The following COL4A1 variants were observed in gnomAD, a reference collection of about 807,000 sequenced individuals.
The protein encoded by COL4A1 is collagen alpha-1(IV) chain.
A neutral mutation model predicts 216.6 loss-of-function variants in COL4A1; 40 were observed. That is an observed-to-expected ratio of 0.18 (90% CI 0.14 to 0.24). The LOEUF (loss-of-function observed/expected upper bound fraction) is 0.24. COL4A1 is among the 10% of genes least tolerant of loss of function. The pLI is 1.00. For missense variants in COL4A1, 1,628 were observed against 2,196.8 expected (o/e 0.74, Z 5.18); for synonymous variants, 839 against 810.7 (o/e 1.03, Z -0.59).
intron 45 of COL4A1, 86 bp from the exon 46 acceptor site, chr13:110,165,076 C>A: frequency 6.5e-7 from 1 of 1,550,170 alleles, no homozygotes; most frequent in East Asian, 2.3e-5. Flanking sequence ...CCGGGTGAAG[C>A]TATCCAAATG....
intron 21 of COL4A1, among the ~76,000 whole-genome samples, chr13:110,196,740 G>A (rs1878909818): frequency 6.6e-6 from 1 of 152,194 alleles, no homozygotes; most frequent in Admixed American, 6.5e-5. Context: ...GGTATCTGCA[G>A]CCACAGATGG....
intron 23 of COL4A1, 83 bp downstream of exon 23, chr13:110,192,747 A>G: frequency 1.6e-6 from 2 of 1,216,432 alleles, no homozygotes; most frequent in South Asian, 1.3e-5. Context: ...CAGGCCTTCT[A>G]TGGAGTGAAA....
chr13:110,207,583 C>T lies in COL4A1; in HGVS notation c.694-94G>A. The T allele has an allele frequency of 2.1e-6, 2 of 959,568 alleles. No individual in the cohort carries two copies. Among genetic ancestry groups the T allele is most frequent in the Non-Finnish European group, 3.3e-6 (2 of 599,938 alleles). The allele number at this position is 959,568 out of a possible 1,614,324, so 59.4% of individuals were successfully genotyped here. ...AGAGGTAAAAGCCTAAAATAAAACA[C>T]CTATTTTTAAAATGTAATTATACTC... On this transcript the variant is annotated intron_variant, in intron 12 of 51. Transcript: ENST00000375820. The surrounding 1 kb of genome is among the most constrained non-coding windows in gnomAD (Gnocchi z 4.4).
At chr13:110,234,949 C>A (rs1881238839) in intron 2 of COL4A1, among the ~76,000 whole-genome samples, 1 of 152,180 alleles carries the variant, frequency 6.6e-6, no homozygotes, top group African/African-American at 2.4e-5. Context: ...TAATGCACTA[C>A]CTAAACAAAG....
intron 45 of COL4A1, among the ~76,000 whole-genome samples, chr13:110,165,209 T>TG (rs1211032131): frequency 2.0e-5 from 3 of 152,172 alleles, no homozygotes; most frequent in African/African-American, 7.2e-5. Flanking sequence ...GCAAAGGCAT[T>TG]GGGGCATCAG....
chr13:110,177,708 C>A, intron 33 of COL4A1, 134 bp downstream of exon 33: 1 of 885,672 alleles, frequency 1.1e-6, no homozygotes, highest in Non-Finnish European at 1.8e-6. Context: ...GGTCTCCCAG[C>A]CTTCTGCTTG....
chr13:110,174,701 C>T lies in COL4A1; in HGVS notation c.3247G>A (p.Glu1083Lys), dbSNP rs1566349954. Residue 1083 changes from glutamate to lysine, a missense_variant, in exon 38 of 52, where the codon GAA (glutamate) becomes AAA (lysine). This residue lies in a region of COL4A1 where 345 missense variants were observed against 476.9 expected (regional missense o/e 0.72). Transcript: ENST00000375820. ...CCTGGGATCCCAATGCTTCCTTTTT[C>T]TCCCTTCTCTCCAGGGCTTCCTGGG... is the stretch of plus-strand genomic sequence containing the variant. ...GFPGSPGEKG[E>K]KGSIGIPGMP... The T allele has an allele frequency of 1.9e-6, 3 of 1,613,888 alleles. No homozygotes were observed. The highest frequency in any genetic ancestry group is 2.5e-6 in the Non-Finnish European group (3 of 1,179,780).
At chr13:110,233,544 G>T (rs933755269) in intron 2 of COL4A1, among the ~76,000 whole-genome samples, 1 of 152,154 alleles carries the variant, frequency 6.6e-6, no homozygotes, top group Non-Finnish European at 1.5e-5. Context: ...AAGGCTGGCC[G>T]ATGGGAGGGA....
intron 1 of COL4A1, among the ~76,000 whole-genome samples, chr13:110,252,684 A>ATATACATATAATTATATGTATATATGTAT (rs1882192588): frequency 7.0e-6 from 1 of 143,516 alleles, no homozygotes; most frequent in Non-Finnish European, 1.5e-5. Context: ...TAATATGTAT[A>ATATACATATAATTATATGTATATATGTAT]TATACATATA....
intron 17 of COL4A1, among the ~76,000 whole-genome samples, chr13:110,204,696 G>C (rs962965715): frequency 4.1e-5 from 6 of 147,608 alleles, no homozygotes; most frequent in Non-Finnish European, 5.9e-5. Flanking sequence ...GCCCTGGTCT[G>C]GCAGAAGGAC....
rs538684625 is a variant in COL4A1, at chr13:110,198,492, C to A, written c.1260G>T (p.Gly420=). 6.2e-7 allele frequency: 1 copy of A among 1,613,802 alleles called. No homozygotes were observed. Among genetic ancestry groups the A allele is most frequent in the Admixed American group, 1.7e-5 (1 of 59,994 alleles). ...DGLPGPPGSP[G]PPGQPGYTNG... Reference sequence around the variant, plus strand: ...TTGTGTAGCCAGGCTGCCCAGGGGGCCCAGGGGAACCAGGAGGACCCGGGA... The same window carrying A: ...TTGTGTAGCCAGGCTGCCCAGGGGGACCAGGGGAACCAGGAGGACCCGGGA... Residue 420 remains glycine, a synonymous_variant, in exon 21 of 52, where the codon GGG becomes GGT. Transcript: ENST00000375820.
intron 2 of COL4A1, among the ~76,000 whole-genome samples, chr13:110,222,728 G>A (rs1001492223): frequency 7.3e-5 from 9 of 122,764 alleles, no homozygotes; most frequent in South Asian, 2.9e-4. Context: ...AGCCGAGATC[G>A]TGCCACTGCA....
At chr13:110,245,809 C>T (rs1329701337) in intron 1 of COL4A1, among the ~76,000 whole-genome samples, 4 of 152,158 alleles carry the variant, frequency 2.6e-5, no homozygotes, top group African/African-American at 7.2e-5. Context: ...CACCCCCAGC[C>T]GGTGCCGGTG....
intron 1 of COL4A1, among the ~76,000 whole-genome samples, chr13:110,243,737 C>A (rs1016378889): frequency 6.6e-6 from 1 of 152,192 alleles, no homozygotes; most frequent in African/African-American, 2.4e-5. Flanking sequence ...CCAGGTGCCA[C>A]GCACAGTCAG....
chr13:110,160,178 C>T (rs1877003997), intron 49 of COL4A1, among the ~76,000 whole-genome samples: 1 of 118,926 alleles, frequency 8.4e-6, no homozygotes, highest in Non-Finnish European at 1.7e-5. Flanking sequence ...CGCGGTGGCT[C>T]ACGCCTGTAA....
chr13:110,228,018 ACGTCACCCT>A (rs971132055), intron 2 of COL4A1, among the ~76,000 whole-genome samples: 9 of 152,122 alleles, frequency 5.9e-5, no homozygotes, highest in African/African-American at 2.2e-4. Context: ...GCCCATTTGA[ACGTCACCCT>A]CGCTGGGCAA....
intron 50 of COL4A1, 27 bp from the exon 51 acceptor site, chr13:110,152,533 C>T: frequency 1.3e-6 from 2 of 1,596,990 alleles, no homozygotes; most frequent in South Asian, 1.1e-5. Flanking sequence ...AGCCGTGAGT[C>T]AGAGGTTCCC....
At chr13:110,257,105 G>C (rs184723031) in intron 1 of COL4A1, among the ~76,000 whole-genome samples, 4 of 152,198 alleles carry the variant, frequency 2.6e-5, no homozygotes, top group Admixed American at 2.0e-4. Flanking sequence ...CTGAAATGCT[G>C]CTGCACAGTT....
chr13:110,271,867 A>T (rs548237063), intron 1 of COL4A1, among the ~76,000 whole-genome samples: 3 of 152,338 alleles, frequency 2.0e-5, no homozygotes, highest in East Asian at 3.9e-4. Context: ...GATATACGGG[A>T]ATACTTTGGA....
Sources: gnomAD v4.1 joint callset for allele counts (sites outside exome capture counted in the v4.1 genomes callset) on GRCh38, gnomAD v4.1.1 for gene constraint, gnomAD v4.1.1 regional missense constraint, Gnocchi (gnomAD v3.1) non-coding constraint, MANE v1.5 for transcripts, NCBI Gene and HGNC (gene_info 2026-07-23, HGNC 2026-07-21) for gene names.